Variants in SV2C observed in about 807,000 individuals in gnomAD.
The protein encoded by SV2C is synaptic vesicle glycoprotein 2C.
Under a neutral mutation model 79.7 loss-of-function variants are expected in SV2C, and 49 were observed. That is an observed-to-expected ratio of 0.61 (90% CI 0.49 to 0.78). SV2C has a LOEUF of 0.78. SV2C is among the 30% of genes least tolerant of loss of function. SV2C has a pLI of 0.00. For synonymous variants in SV2C, 334 were observed against 333.2 expected, an observed-to-expected ratio of 1.00 and a Z score of -0.03; for missense variants, 833 against 912.9, an observed-to-expected ratio of 0.91 and a Z score of 1.13.
chr5:76,113,950 A>C (rs184342810), intron 1 of SV2C, among the ~76,000 whole-genome samples: 1 of 152,236 alleles, frequency 6.6e-6, no homozygotes, highest in East Asian at 1.9e-4. Context: ...ATATATACAC[A>C]TACACACCAG....
chr5:75,971,932 A>G, the SV2C span, among the ~76,000 whole-genome samples: 13 of 152,246 alleles, frequency 8.5e-5, no homozygotes, highest in African/African-American at 2.9e-4. Context: ...ACTATACTAC[A>G]AGGCTACAGT....
At chr5:76,199,352 G>C (rs884948) in intron 3 of SV2C, among the ~76,000 whole-genome samples, 41,347 of 151,846 alleles carry the variant, frequency 0.27, 5,855 homozygotes, top group African/African-American at 0.33. Flanking sequence ...GTGCACATAG[G>C]CCCCCGCACT....
chr5:76,237,845 TA>T (rs1745656588), intron 4 of SV2C, among the ~76,000 whole-genome samples: 1 of 152,160 alleles, frequency 6.6e-6, no homozygotes, highest in Admixed American at 6.6e-5. Flanking sequence ...TGTGAGTTCT[TA>T]TCTACTCTTT....
the SV2C span, among the ~76,000 whole-genome samples, chr5:75,920,407 C>T: frequency 1.3e-5 from 2 of 152,290 alleles, no homozygotes; most frequent in South Asian, 4.1e-4. Flanking sequence ...AATGCAGTTG[C>T]ATGGAGCTGC....
the SV2C span, among the ~76,000 whole-genome samples, chr5:75,966,392 T>C: frequency 6.6e-6 from 1 of 152,276 alleles, no homozygotes; most frequent in East Asian, 1.9e-4. Context: ...GCTACCCTAC[T>C]GAAATAGGAG....
intron 1 of SV2C, among the ~76,000 whole-genome samples, chr5:76,122,772 G>A (rs1352209315): frequency 1.3e-5 from 2 of 151,940 alleles, no homozygotes; most frequent in East Asian, 1.9e-4. Context: ...GGGAAAGGAG[G>A]AAAGATCCAA....
At chr5:76,211,918 T>A (rs1213498344) in intron 4 of SV2C, among the ~76,000 whole-genome samples, 1 of 152,200 alleles carries the variant, frequency 6.6e-6, no homozygotes, top group Non-Finnish European at 1.5e-5. Flanking sequence ...AATTGGTTAC[T>A]TGGCCTGAAG....
intron 4 of SV2C, among the ~76,000 whole-genome samples, chr5:76,250,806 T>A (rs1163059485): frequency 6.6e-6 from 1 of 152,224 alleles, no homozygotes; most frequent in Non-Finnish European, 1.5e-5. Flanking sequence ...GGGCACAGAT[T>A]AATTTCTCTT....
At chr5:76,200,282 C>T (rs765722644) in intron 3 of SV2C, among the ~76,000 whole-genome samples, 19 of 152,172 alleles carry the variant, frequency 1.2e-4, no homozygotes, top group Non-Finnish European at 2.2e-4. Context: ...TACAGAATCC[C>T]CACATTTAAT....
chr5:76,038,113 C>T, the SV2C span, among the ~76,000 whole-genome samples: 5 of 152,242 alleles, frequency 3.3e-5, no homozygotes, highest in South Asian at 8.3e-4. Flanking sequence ...ACGCACGGTG[C>T]GTGCACCCAC....
chr5:76,211,515 T>C (rs1744769252), intron 4 of SV2C, among the ~76,000 whole-genome samples: 1 of 150,972 alleles, frequency 6.6e-6, no homozygotes, highest in Non-Finnish European at 1.5e-5. Context: ...CACACACACG[T>C]GCACATGTGC....
chr5:75,901,722 C>T, the SV2C span, among the ~76,000 whole-genome samples: 1 of 152,246 alleles, frequency 6.6e-6, no homozygotes, highest in Non-Finnish European at 1.5e-5. Flanking sequence ...AGGCCTCCTT[C>T]AGCTGTGGTG....
the SV2C span, among the ~76,000 whole-genome samples, chr5:75,967,164 T>A: frequency 6.6e-6 from 1 of 151,910 alleles, no homozygotes; most frequent in Non-Finnish European, 1.5e-5. Context: ...TGAGACCCTA[T>A]CTCTACCAAA....
chr5:76,342,188 C>T (rs770727428), intron 12 of SV2C, among the ~76,000 whole-genome samples: 17 of 152,112 alleles, frequency 1.1e-4, no homozygotes, highest in Non-Finnish European at 2.2e-4. Context: ...TCCTGCAGGC[C>T]GTGAGTACAC....
chr5:76,339,037 T>C (rs1380645896), intron 12 of SV2C, among the ~76,000 whole-genome samples: 1 of 152,124 alleles, frequency 6.6e-6, no homozygotes. Flanking sequence ...GCAGACACTG[T>C]GTCACCATTG....
intron 4 of SV2C, among the ~76,000 whole-genome samples, chr5:76,229,861 A>G (rs532575613): frequency 6.6e-6 from 1 of 152,362 alleles, no homozygotes; most frequent in African/African-American, 2.4e-5. Context: ...GAGATATTGT[A>G]TGCTGGTGCA....
chr5:76,334,853 G>T (rs946620828), downstream of SV2C, among the ~76,000 whole-genome samples: 13 of 152,268 alleles, frequency 8.5e-5, no homozygotes, highest in African/African-American at 2.2e-4. Context: ...ATAGCTGTAA[G>T]GGGCCCAGTC....
the SV2C span, among the ~76,000 whole-genome samples, chr5:75,967,314 G>C: frequency 6.6e-6 from 1 of 152,278 alleles, no homozygotes; most frequent in South Asian, 2.1e-4. Context: ...GGGAGTGCTG[G>C]ACAGTGGGTG....
intron 4 of SV2C, among the ~76,000 whole-genome samples, chr5:76,249,855 A>G (rs1483448792): frequency 1.3e-5 from 2 of 152,202 alleles, no homozygotes; most frequent in African/African-American, 2.4e-5. Context: ...CATGGGGTAT[A>G]TAAATCTTCA....
Sources: gnomAD v4.1 joint callset for allele counts (sites outside exome capture counted in the v4.1 genomes callset) on GRCh38, gnomAD v4.1.1 for gene constraint, MANE v1.5 for transcripts, NCBI Gene and HGNC (gene_info 2026-07-23, HGNC 2026-07-21) for gene names.